CDK14: variants seen among roughly 807,000 people sequenced by gnomAD.
The protein encoded by CDK14 is cyclin dependent kinase 14.
A neutral mutation model predicts 60.7 loss-of-function variants in CDK14; 34 were observed. The observed-to-expected ratio is 0.56, with a 90% CI of 0.43 to 0.75. The LOEUF is 0.75. Among genes scored for constraint, CDK14 ranks in the 30% least tolerant of loss-of-function variants. CDK14 has a pLI of 0.00. For missense variants in CDK14, 482 were observed against 564.1 expected (o/e 0.85, Z 1.47); for synonymous variants, 197 against 203.7 (o/e 0.97, Z 0.28).
Position 90,624,404 on chromosome 7 carries a change from C to T in CDK14, c.123+20155C>T, listed in dbSNP as rs556403762. 9.8e-5 allele frequency among the ~76,000 whole-genome samples: 15 copies of T among 152,306 alleles called. 1 individual carries two copies. The highest frequency in any genetic ancestry group is 2.9e-4 in the African/African-American group (12 of 41,570). On this transcript the variant is annotated intron_variant, in intron 2 of 14. Transcript: ENST00000380050. ...CTTTCTAATTTTCTATTCAGACAAA[C>T]GCATTTTGTTCTCTATATTCTGTGT...
At position 90,899,444 on chromosome 7, in the gene CDK14, A is replaced by G. The variant is rs993709180; in HGVS notation, c.702+91A>G. 2.0e-5 allele frequency: 18 copies of G among 905,910 alleles called. No homozygotes were observed. The African/African-American group carries it at 3.0e-4, about 15-fold the overall frequency. 56.1% of individuals were successfully genotyped at this position (905,910 alleles called of 1,614,324 possible). ...AGCATCTCTACCATAACATATTTAA[A>G]TTTTTTAAATTTTTTGTGTAAAGAG... On this transcript the variant is annotated intron_variant, in intron 7 of 14. Transcript: ENST00000380050.
At chr7:90,679,001 G>A (rs965121532) in intron 2 of CDK14, among the ~76,000 whole-genome samples, 5 of 152,160 alleles carry the variant, frequency 3.3e-5, no homozygotes, top group Admixed American at 6.5e-5. Flanking sequence ...CTAGGCTGGA[G>A]TGTAGTAGTG....
At chr7:90,650,384 A>G (rs1390415509) in intron 2 of CDK14, among the ~76,000 whole-genome samples, 2 of 152,120 alleles carry the variant, frequency 1.3e-5, no homozygotes, top group African/African-American at 4.8e-5. Context: ...GTAGATTGCA[A>G]AATTTTTCTC....
intron 4 of CDK14, among the ~76,000 whole-genome samples, chr7:90,787,338 A>G (rs201135506): frequency 0.091 from 2,239 of 24,696 alleles, 34 homozygotes; most frequent in Non-Finnish European, 0.11. Flanking sequence ...TTCTTAAGGA[A>G]TATAAAAACT....
chr7:91,010,570 A>G (rs1796121719), intron 10 of CDK14, among the ~76,000 whole-genome samples: 1 of 152,006 alleles, frequency 6.6e-6, no homozygotes, highest in East Asian at 1.9e-4. Context: ...TAAAAATGAA[A>G]TTGGTTTTTT....
intron 11 of CDK14, among the ~76,000 whole-genome samples, chr7:91,058,405 C>T (rs1314224442): frequency 2.0e-5 from 3 of 151,926 alleles, no homozygotes; most frequent in East Asian, 1.9e-4. Context: ...TATTTCCTTC[C>T]CCTGCCTGAT....
intron 9 of CDK14, among the ~76,000 whole-genome samples, chr7:90,968,177 G>A (rs1794813330): frequency 6.6e-6 from 1 of 152,066 alleles, no homozygotes; most frequent in South Asian, 2.1e-4. Flanking sequence ...GCTATATTAT[G>A]TAATTGGTAA....
chr7:91,088,748 G>A (rs566720549), intron 12 of CDK14, among the ~76,000 whole-genome samples: 1 of 152,146 alleles, frequency 6.6e-6, no homozygotes, highest in East Asian at 1.9e-4. Context: ...CTCAAGACTT[G>A]ATATACAAAC....
At position 90,763,285 on chromosome 7, in the gene CDK14, A is replaced by G. The variant is rs536753469; in HGVS notation, c.464+15510A>G. ...ATATCACTAAGGATTCGATGATCTG[A>G]TCAGTACTGCCAAAGTAAACAAAGT... On this transcript the variant is annotated intron_variant, in intron 4 of 14. Coordinates refer to ENST00000380050, the MANE Select transcript of CDK14 (RefSeq NM_001287135.2). Among the ~76,000 whole-genome samples, 5 of 152,298 alleles carry G rather than the reference A, an allele frequency of 3.3e-5. No homozygotes were observed. The South Asian group carries it at 8.3e-4, about 25-fold the overall frequency.
At chr7:90,658,575 C>T (rs952840849) in intron 2 of CDK14, among the ~76,000 whole-genome samples, 2 of 152,176 alleles carry the variant, frequency 1.3e-5, no homozygotes, top group Non-Finnish European at 2.9e-5. Flanking sequence ...TCTTTTGTCA[C>T]TGTGTTCTTT....
intron 14 of CDK14, among the ~76,000 whole-genome samples, chr7:91,145,118 A>T (rs1161801831): frequency 3.9e-5 from 6 of 152,200 alleles, no homozygotes; most frequent in Admixed American, 3.9e-4. Flanking sequence ...GGTAGTCAGG[A>T]TTCCTAAGAA....
At chr7:90,991,912 A>G (rs1795550555) in intron 10 of CDK14, among the ~76,000 whole-genome samples, 1 of 152,228 alleles carries the variant, frequency 6.6e-6, no homozygotes, top group South Asian at 2.1e-4. Context: ...CACTGCTGAA[A>G]GAAAGGTTGA....
In CDK14 at chr7:90,729,661, A is replaced by G. The variant is rs367763524; in HGVS notation, c.369+2849A>G. Among the ~76,000 whole-genome samples the G allele has an allele frequency of 2.5e-4, 37 of 150,948 alleles. No individual in the cohort carries two copies. In the East Asian group the frequency reaches 2.5e-3, roughly 10 times the overall value. On this transcript the variant is annotated intron_variant, in intron 3 of 14. Coordinates refer to ENST00000380050, the MANE Select transcript of CDK14 (RefSeq NM_001287135.2). ...ACCCTGGGATGACTTTTTTTAATATATATTAGGTCATTTATATTACTTTGT... is the reference window on the plus strand; with the variant it reads ...ACCCTGGGATGACTTTTTTTAATATGTATTAGGTCATTTATATTACTTTGT...
At position 90,815,936 on chromosome 7, in the gene CDK14, A is replaced by AG. The variant is rs1442675514; in HGVS notation, c.544+25289dup. ...CTTTCCGGGGATGGGGGGTAAGGGGAGGGGGAGAATCAGGACAAACACCTA... is the reference window on the plus strand; with the variant it reads ...CTTTCCGGGGATGGGGGGTAAGGGGAGGGGGGAGAATCAGGACAAACACCTA... On this transcript the variant is annotated intron_variant, in intron 5 of 14. Transcript: ENST00000380050. 8.1e-5 allele frequency among the ~76,000 whole-genome samples: 12 copies of AG among 147,330 alleles called. 1 individual carries two copies. Among genetic ancestry groups the AG allele is most frequent in the Middle Eastern group, 3.5e-3 (1 of 288 alleles).
intron 3 of CDK14, among the ~76,000 whole-genome samples, chr7:90,746,317 T>C (rs1425779692): frequency 6.6e-6 from 1 of 152,234 alleles, no homozygotes; most frequent in Non-Finnish European, 1.5e-5. Flanking sequence ...AAGAAACATG[T>C]ATTCAACTGG....
chr7:90,661,523 T>TTAATAA (rs1800866122), intron 2 of CDK14, among the ~76,000 whole-genome samples: 1 of 152,212 alleles, frequency 6.6e-6, no homozygotes, highest in Admixed American at 6.5e-5. Context: ...GGTATGGTCT[T>TTAATAA]TAAGTCTACA....
chr7:90,959,691 T>C (rs1394450414), intron 9 of CDK14, among the ~76,000 whole-genome samples: 2 of 152,040 alleles, frequency 1.3e-5, no homozygotes, highest in African/African-American at 2.4e-5. Flanking sequence ...AATAAAAAAA[T>C]GAATGAAGAC....
intron 6 of CDK14, among the ~76,000 whole-genome samples, chr7:90,889,385 G>C (rs1052528880): frequency 6.6e-6 from 1 of 152,152 alleles, no homozygotes; most frequent in African/African-American, 2.4e-5. Flanking sequence ...TCAGGTTGCT[G>C]GTTTACATGA....
chr7:91,091,955 A>C (rs1341460708), intron 12 of CDK14, among the ~76,000 whole-genome samples: 1 of 152,040 alleles, frequency 6.6e-6, no homozygotes, highest in Non-Finnish European at 1.5e-5. Context: ...TTCATGTTAG[A>C]GATATACCCG....
Sources: allele counts gnomAD v4.1 joint callset (sites outside exome capture counted in the v4.1 genomes callset), GRCh38; gene constraint gnomAD v4.1.1; transcripts MANE v1.5; gene names NCBI Gene and HGNC (gene_info 2026-07-23, HGNC 2026-07-21).